GRM8: variants seen among roughly 807,000 people sequenced by gnomAD.
GRM8 encodes metabotropic glutamate receptor 8.
A neutral mutation model predicts 87.2 loss-of-function variants in GRM8; 47 were observed. That is an observed-to-expected ratio of 0.54 (90% CI 0.43 to 0.69). The LOEUF (loss-of-function observed/expected upper bound fraction) is 0.69, where lower values mean the gene tolerates loss of function less well. Among genes scored for constraint, GRM8 ranks in the 30% least tolerant of loss-of-function variants. The pLI is 0.00. For synonymous variants in GRM8, 396 were observed against 404.5 expected, an observed-to-expected ratio of 0.98 and a Z score of 0.25; for missense variants, 1,019 against 1,139.2, an observed-to-expected ratio of 0.89 and a Z score of 1.52.
intron 7 of GRM8, among the ~76,000 whole-genome samples, chr7:126,763,233 TA>T (rs1437822500): frequency 1.3e-5 from 2 of 151,632 alleles, no homozygotes. Flanking sequence ...TTACTGATTT[TA>T]AACTTTCCCA....
intron 6 of GRM8, among the ~76,000 whole-genome samples, chr7:126,885,125 A>G (rs538382968): frequency 6.6e-6 from 1 of 152,268 alleles, no homozygotes; most frequent in South Asian, 2.1e-4. Context: ...TGGAAAATGA[A>G]TTCACCACAC....
At chr7:126,723,052 T>A (rs1331251949) in intron 7 of GRM8, among the ~76,000 whole-genome samples, 1 of 149,386 alleles carries the variant, frequency 6.7e-6, no homozygotes, top group East Asian at 1.9e-4. Flanking sequence ...CAGACAAGGC[T>A]GTGCATTTGC....
intron 3 of GRM8, among the ~76,000 whole-genome samples, chr7:127,053,657 G>A (rs17874836): frequency 0.08 from 12,088 of 151,602 alleles, 528 homozygotes; most frequent in South Asian, 0.13. Context: ...GCGTAGTGGC[G>A]GGTGCCTGTA....
At chr7:127,066,619 C>A (rs1310421280) in intron 3 of GRM8, among the ~76,000 whole-genome samples, 1 of 152,038 alleles carries the variant, frequency 6.6e-6, no homozygotes, top group African/African-American at 2.4e-5. Flanking sequence ...TTAGCATATT[C>A]ATCAACTCAA....
At chr7:126,700,969 CTCCT>C (rs1809856593) in intron 7 of GRM8, among the ~76,000 whole-genome samples, 1 of 152,020 alleles carries the variant, frequency 6.6e-6, no homozygotes, top group African/African-American at 2.4e-5. Context: ...TACTTGATCC[CTCCT>C]TCCTTCCCTC....
chr7:126,918,551 G>T lies in GRM8; in HGVS notation c.728-13868C>A, dbSNP rs151297467. Among the ~76,000 whole-genome samples, 554 of 152,320 alleles carry T rather than the reference G, an allele frequency of 3.6e-3. 4 individuals are homozygous for T. The highest frequency in any genetic ancestry group is 0.013 in the African/African-American group (523 of 41,566). Reference sequence around the variant, plus strand: ...CAACACATCAATCCTAAGAATGAAGGATTTCAGCTGGACTCAATAAAATGT... The same window carrying T: ...CAACACATCAATCCTAAGAATGAAGTATTTCAGCTGGACTCAATAAAATGT... On this transcript the variant is annotated intron_variant, in intron 3 of 10. Coordinates refer to ENST00000339582, the MANE Select transcript of GRM8 (RefSeq NM_000845.3).
chr7:127,169,149 T>G (rs1793634741), intron 2 of GRM8, among the ~76,000 whole-genome samples: 1 of 151,452 alleles, frequency 6.6e-6, no homozygotes, highest in Non-Finnish European at 1.5e-5. Context: ...GGCCGAAAGC[T>G]AGGCCTCTTG....
intron 9 of GRM8, among the ~76,000 whole-genome samples, chr7:126,458,689 T>C (rs973628418): frequency 6.6e-6 from 1 of 151,196 alleles, no homozygotes; most frequent in African/African-American, 2.4e-5. Flanking sequence ...TGAATTAGGT[T>C]ATCCAGCAAC....
At chr7:127,223,026 G>T (rs1351597554) in intron 2 of GRM8, among the ~76,000 whole-genome samples, 4 of 152,152 alleles carry the variant, frequency 2.6e-5, no homozygotes, top group Admixed American at 2.6e-4. Context: ...AAGAGCATCT[G>T]GTGTAGACAA....
rs530724486 is a variant in GRM8, at chr7:126,779,078, A to C, written c.1157-9013T>G. Among the ~76,000 whole-genome samples the C allele has an allele frequency of 6.6e-5, 10 of 152,186 alleles. No individual in the cohort carries two copies. The South Asian group carries it at 2.1e-3, about 32-fold the overall frequency. ...TAATGAGAATTCCCCTATATTATAGAAAAGCATGGTTTTTTATCTTGTCCT... is the reference window on the plus strand; with the variant it reads ...TAATGAGAATTCCCCTATATTATAGCAAAGCATGGTTTTTTATCTTGTCCT... On this transcript the variant is annotated intron_variant, in intron 6 of 10. Coordinates refer to ENST00000339582, the MANE Select transcript of GRM8 (RefSeq NM_000845.3).
rs868218919 is a variant in GRM8 at position 126,642,725 on chromosome 7, A to T, written c.1358-33227T>A. Among the ~76,000 whole-genome samples the T allele has an allele frequency of 3.3e-5, 5 of 152,122 alleles. No individual in the cohort carries two copies. The South Asian group carries it at 1.0e-3, about 31-fold the overall frequency. On this transcript the variant is annotated intron_variant, in intron 7 of 10. Coordinates refer to ENST00000339582, the MANE Select transcript of GRM8 (RefSeq NM_000845.3). ...GGTTGTTACACCAAATACGATAGAG[A>T]TAGAGTTGAAGAAAGCAGATTTCCT...
At chr7:127,111,588 AG>A (rs1826354958) in intron 2 of GRM8, among the ~76,000 whole-genome samples, 1 of 152,222 alleles carries the variant, frequency 6.6e-6, no homozygotes, top group African/African-American at 2.4e-5. Flanking sequence ...GCTATGACCT[AG>A]CAATGGTGGA....
chr7:127,214,618 C>T lies in GRM8; in HGVS notation c.510+28077G>A, dbSNP rs552985752. Among the ~76,000 whole-genome samples, 16 of 152,196 alleles carry T rather than the reference C, an allele frequency of 1.1e-4. 1 individual carries two copies. The highest frequency in any genetic ancestry group is 5.9e-4 in the Admixed American group (9 of 15,298). On this transcript the variant is annotated intron_variant, in intron 2 of 10. Transcript: ENST00000339582. Reference sequence around the variant, plus strand: ...TCTTACATGGCGGCAGGAGAAGGAGCGTGTTGAAGGAAGTGCCGCACTTTT... The same window carrying T: ...TCTTACATGGCGGCAGGAGAAGGAGTGTGTTGAAGGAAGTGCCGCACTTTT...
intron 2 of GRM8, among the ~76,000 whole-genome samples, chr7:127,129,652 A>G (rs1827565797): frequency 6.6e-6 from 1 of 152,148 alleles, no homozygotes. Flanking sequence ...TGGAAAGCTA[A>G]ACCAATGAGA....
chr7:126,904,849 T>C (rs1348682008), intron 3 of GRM8, among the ~76,000 whole-genome samples, 166 bp from the exon 4 acceptor site: 1 of 152,250 alleles, frequency 6.6e-6, no homozygotes, highest in Non-Finnish European at 1.5e-5. Context: ...TTATAATATA[T>C]TCACCAAATA....
intron 6 of GRM8, among the ~76,000 whole-genome samples, chr7:126,860,202 T>C (rs1798036149): frequency 6.6e-6 from 1 of 152,200 alleles, no homozygotes; most frequent in Non-Finnish European, 1.5e-5. Context: ...CATATTCATA[T>C]TTTAAAAGTG....
At chr7:127,202,412 A>C (rs1795665407) in intron 2 of GRM8, among the ~76,000 whole-genome samples, 1 of 152,170 alleles carries the variant, frequency 6.6e-6, no homozygotes, top group African/African-American at 2.4e-5. Context: ...TCCTGGACTC[A>C]AGTGATCTGC....
intron 2 of GRM8, among the ~76,000 whole-genome samples, chr7:127,218,652 C>T (rs370945472): frequency 9.2e-5 from 14 of 152,218 alleles, no homozygotes; most frequent in East Asian, 3.9e-4. Flanking sequence ...CTCCTTGGGG[C>T]GTGGTACTTG....
intron 3 of GRM8, among the ~76,000 whole-genome samples, chr7:127,041,955 C>T (rs181269516): frequency 1.3e-5 from 2 of 152,198 alleles, no homozygotes; most frequent in East Asian, 1.9e-4. Flanking sequence ...GGTTTCCAAA[C>T]CCAAAACCAG....
Sources: allele counts gnomAD v4.1 joint callset (sites outside exome capture counted in the v4.1 genomes callset), GRCh38; gene constraint gnomAD v4.1.1; transcripts MANE v1.5; gene names NCBI Gene and HGNC (gene_info 2026-07-23, HGNC 2026-07-21).